Variants in RYR2 observed in about 807,000 individuals in gnomAD.
The protein encoded by RYR2 is ryanodine receptor 2, also known as cardiac muscle ryanodine receptor-calcium release channel.
Under a neutral mutation model 601.1 loss-of-function variants are expected in RYR2, and 227 were observed. The observed-to-expected ratio is 0.38, with a 90% CI of 0.34 to 0.42. The LOEUF is 0.42. Ranked by LOEUF, RYR2 falls within the 10% of genes least tolerant of loss-of-function variation. The probability of loss-of-function intolerance (pLI) is 1.00; values close to 1 mark genes in which losing one functional copy is unlikely to be tolerated. For synonymous variants in RYR2, 2,223 were observed against 2,175.1 expected (o/e 1.02, Z -0.61); for missense variants, 4,646 against 6,156.5 (o/e 0.75, Z 8.21).
chr1:237,631,109 A>G (rs1319649118), intron 41 of RYR2, among the ~76,000 whole-genome samples: 1 of 152,210 alleles, frequency 6.6e-6, no homozygotes, highest in Non-Finnish European at 1.5e-5. Flanking sequence ...ATTTTTATCC[A>G]GAAGAAGGTT....
At chr1:237,312,106 G>A (rs1694636703) in intron 2 of RYR2, among the ~76,000 whole-genome samples, 1 of 152,136 alleles carries the variant, frequency 6.6e-6, no homozygotes, top group Admixed American at 6.6e-5. Context: ...AGAGACAATA[G>A]ATTGTCAGGA....
chr1:237,498,615 A>G (rs1245628807), intron 20 of RYR2, among the ~76,000 whole-genome samples: 1 of 151,704 alleles, frequency 6.6e-6, no homozygotes, highest in African/African-American at 2.4e-5. Context: ...AGTTGCTTTC[A>G]TTTAGTCTCT....
At chr1:237,153,184 C>T (rs1211409665) in intron 1 of RYR2, among the ~76,000 whole-genome samples, 1 of 151,968 alleles carries the variant, frequency 6.6e-6, no homozygotes, top group Non-Finnish European at 1.5e-5. Flanking sequence ...ATGTGATGGA[C>T]AATTTGGAGC....
At position 237,530,407 on chromosome 1, in the gene RYR2, T is replaced by C; in HGVS notation, c.2823-20T>C. 4 of 1,571,490 alleles carry C rather than the reference T, an allele frequency of 2.5e-6. No individual in the cohort carries two copies. Among genetic ancestry groups the C allele is most frequent in the Non-Finnish European group, 3.5e-6 (4 of 1,148,758 alleles). On this transcript the variant is annotated intron_variant, in intron 24 of 104. Transcript: ENST00000366574. ...CATAGAGAAGAAATGATCACACTTA[T>C]CTCTGGTTTTGTTTTCCAGGACTTT...
At chr1:237,677,649 A>C (rs1685520943) in intron 60 of RYR2, among the ~76,000 whole-genome samples, 1 of 152,152 alleles carries the variant, frequency 6.6e-6, no homozygotes, top group African/African-American at 2.4e-5. Flanking sequence ...GCCAGGGTTA[A>C]TATCTAGCCA....
chr1:237,148,529 T>TATATATATATATATATATATACACAC (rs1558319905), intron 1 of RYR2, among the ~76,000 whole-genome samples: 15 of 42,532 alleles, frequency 3.5e-4, no homozygotes, highest in African/African-American at 1.4e-3. Flanking sequence ...AAAAAAAAAA[T>TATATATATATATATATATATACACAC]ATATATATAT....
At chr1:237,445,885 C>G (rs188576243) in intron 14 of RYR2, among the ~76,000 whole-genome samples, 59 of 152,154 alleles carry the variant, frequency 3.9e-4, no homozygotes, top group African/African-American at 1.4e-3. Flanking sequence ...GGTGCAGTCT[C>G]GGCTCACTGC....
At chr1:237,334,284 T>C (rs1697034839) in intron 3 of RYR2, among the ~76,000 whole-genome samples, 1 of 152,054 alleles carries the variant, frequency 6.6e-6, no homozygotes, top group African/African-American at 2.4e-5. Flanking sequence ...ATGTGTAAGA[T>C]GAAATGGGAG....
chr1:237,371,448 T>A (rs1700634566), intron 6 of RYR2, among the ~76,000 whole-genome samples: 2 of 152,188 alleles, frequency 1.3e-5, no homozygotes, highest in Non-Finnish European at 2.9e-5. Flanking sequence ...TGAGCCACCA[T>A]GCCCGGCATG....
chr1:237,706,407 T>C (rs1283318658), intron 67 of RYR2, among the ~76,000 whole-genome samples: 1 of 152,042 alleles, frequency 6.6e-6, no homozygotes, highest in Non-Finnish European at 1.5e-5. Context: ...CACTGAACGG[T>C]TGGAAAGATG....
chr1:237,658,119 G>C, intron 54 of RYR2, 97 bp downstream of exon 54: 1 of 615,374 alleles, frequency 1.6e-6, no homozygotes, highest in Non-Finnish European at 2.6e-6. Context: ...TTTAAAATGA[G>C]AACTTGATCT....
chr1:237,115,877 T>G (rs181685390), intron 1 of RYR2, among the ~76,000 whole-genome samples: 8 of 152,136 alleles, frequency 5.3e-5, no homozygotes, highest in African/African-American at 1.9e-4. Context: ...TGTTAACAAA[T>G]TGCCCTATTT....
At chr1:237,680,700 C>A in intron 62 of RYR2, 123 bp downstream of exon 62, 1 of 622,336 alleles carries the variant, frequency 1.6e-6, no homozygotes, top group Non-Finnish European at 2.6e-6. Context: ...TGGTCCGTGT[C>A]TTCATGGAAA....
Position 237,392,730 on chromosome 1 carries a change from A to C in RYR2, c.773+4547A>C, listed in dbSNP as rs1278961576. On this transcript the variant is annotated intron_variant, in intron 10 of 104. Transcript: ENST00000366574. ...AAACTGTGCATACTTTTATATTGATACATTTTAAAATGGATGCATTGGGGA... is the reference window on the plus strand; with the variant it reads ...AAACTGTGCATACTTTTATATTGATCCATTTTAAAATGGATGCATTGGGGA... 5.9e-5 allele frequency among the ~76,000 whole-genome samples: 9 copies of C among 152,308 alleles called. No individual in the cohort carries two copies. The East Asian group carries it at 1.7e-3, about 29-fold the overall frequency.
chr1:237,830,754 A>G, intron 103 of RYR2, 124 bp downstream of exon 103: 1 of 576,306 alleles, frequency 1.7e-6, no homozygotes, highest in South Asian at 2.5e-5. Flanking sequence ...ATACTTTAAA[A>G]GAAAGTCCAA....
chr1:237,580,896 G>A (rs544797533), intron 29 of RYR2, among the ~76,000 whole-genome samples: 6 of 152,256 alleles, frequency 3.9e-5, no homozygotes, highest in Admixed American at 6.5e-5. Context: ...CAGGAGAAAC[G>A]AAGCCTGCTG....
At chr1:237,528,470 G>A (rs1196592142) in intron 24 of RYR2, among the ~76,000 whole-genome samples, 1 of 152,152 alleles carries the variant, frequency 6.6e-6, no homozygotes, top group African/African-American at 2.4e-5. Context: ...GTACTACAGA[G>A]TACCTTAGAT....
At chr1:237,617,593 GT>G in intron 38 of RYR2, 107 bp downstream of exon 38, 1 of 1,053,586 alleles carries the variant, frequency 9.5e-7, no homozygotes, top group Non-Finnish European at 1.4e-6. Flanking sequence ...TCCTTGTTCT[GT>G]TTAAAGTCTT....
chr1:237,218,727 T>A (rs920668025), intron 1 of RYR2, among the ~76,000 whole-genome samples: 5 of 152,124 alleles, frequency 3.3e-5, no homozygotes, highest in African/African-American at 1.2e-4. Flanking sequence ...ACAAAGCCAG[T>A]GCTTTCTTTT....
Sources: allele counts gnomAD v4.1 joint callset (sites outside exome capture counted in the v4.1 genomes callset), GRCh38; gene constraint gnomAD v4.1.1; transcripts MANE v1.5; gene names NCBI Gene and HGNC (gene_info 2026-07-23, HGNC 2026-07-21).